Variants in ASXL3 observed in about 807,000 individuals in gnomAD.
ASXL3 encodes the protein putative Polycomb group protein ASXL3.
Under a neutral mutation model 170.6 loss-of-function variants are expected in ASXL3, and 34 were observed. The ratio of observed to expected loss-of-function variants is 0.20; its 90% CI spans 0.15 to 0.27. The LOEUF (loss-of-function observed/expected upper bound fraction) is 0.27, where lower values mean the gene tolerates loss of function less well. Among genes scored for constraint, ASXL3 ranks in the 10% least tolerant of loss-of-function variants. The pLI, the probability that ASXL3 is intolerant of heterozygous loss-of-function variation, is 1.00. For synonymous variants in ASXL3, 1,002 were observed against 989.1 expected (o/e 1.01, Z -0.24); for missense variants, 2,592 against 2,695.3 (o/e 0.96, Z 0.85).
chr18:33,671,731 C>G lies in ASXL3; in HGVS notation c.596-16C>G. On this transcript the variant is annotated splice_polypyrimidine_tract_variant and intron_variant, in intron 6 of 11. Coordinates refer to ENST00000269197, the MANE Select transcript of ASXL3 (RefSeq NM_030632.3). Reference sequence around the variant, plus strand: ...GCTAGAGAAGATAATGACATAATAACTATTTCCTTTTTTAGGATCTGAATC... The same window carrying G: ...GCTAGAGAAGATAATGACATAATAAGTATTTCCTTTTTTAGGATCTGAATC... 6.3e-7 allele frequency: 1 copy of G among 1,586,590 alleles called. No homozygotes were observed. Among genetic ancestry groups the G allele is most frequent in the Non-Finnish European group, 8.6e-7 (1 of 1,165,192 alleles).
chr18:33,729,221 C>G (rs1233948816), intron 8 of ASXL3, among the ~76,000 whole-genome samples: 2 of 152,172 alleles, frequency 1.3e-5, no homozygotes, highest in African/African-American at 4.8e-5. Flanking sequence ...ACAACTGTCG[C>G]TCATTTATTG....
At chr18:33,611,388 T>A (rs2065335434) in intron 2 of ASXL3, among the ~76,000 whole-genome samples, 1 of 152,098 alleles carries the variant, frequency 6.6e-6, no homozygotes, top group Admixed American at 6.6e-5. Context: ...AATTTTTACT[T>A]TCCCTCTGTA....
chr18:33,739,328 C>T lies in ASXL3; in HGVS notation c.1924C>T (p.Pro642Ser), dbSNP rs572460112. ...TQSTSEESCTPASLETTFCSE... is the reference protein window; with the variant it reads ...TQSTSEESCTSASLETTFCSE... The stretch of plus-strand genomic sequence containing the variant: ...GTCCACATCAGAAGAATCATGTACT[C>T]CAGCCTCCCTTGAGACAACATTTTG... Residue 642 changes from proline to serine, a missense_variant, in exon 11 of 12, where the codon CCA becomes TCA. Around this residue, in one of 4 missense-constraint regions of ASXL3, gnomAD observed 2,246 missense variants for 2,219.6 expected, o/e 1.01. Coordinates refer to ENST00000269197, the MANE Select transcript of ASXL3 (RefSeq NM_030632.3). The T allele has an allele frequency of 1.7e-5, 27 of 1,613,482 alleles. No homozygotes were observed. The South Asian group carries it at 2.7e-4, about 16-fold the overall frequency.
At chr18:33,708,597 G>A (rs2067003440) in intron 8 of ASXL3, among the ~76,000 whole-genome samples, 1 of 152,016 alleles carries the variant, frequency 6.6e-6, no homozygotes, top group African/African-American at 2.4e-5. Context: ...ATGGACTTGG[G>A]GATGGTTACC....
intron 2 of ASXL3, among the ~76,000 whole-genome samples, chr18:33,616,940 A>T (rs2065432533): frequency 6.6e-6 from 1 of 152,192 alleles, no homozygotes; most frequent in Non-Finnish European, 1.5e-5. Flanking sequence ...AGATACACTG[A>T]GGGTTAAGGT....
chr18:33,698,884 G>A (rs1414926621), intron 8 of ASXL3, among the ~76,000 whole-genome samples: 1 of 152,034 alleles, frequency 6.6e-6, no homozygotes, highest in Admixed American at 6.6e-5. Flanking sequence ...AATAGTTTAA[G>A]AGAGGGATCA....
At chr18:33,588,692 A>G (rs192428465) in intron 1 of ASXL3, among the ~76,000 whole-genome samples, 37 of 152,220 alleles carry the variant, frequency 2.4e-4, no homozygotes, top group Non-Finnish European at 4.7e-4. Flanking sequence ...CCATGTCTGT[A>G]CCTTAGGTGC....
Position 33,748,357 on chromosome 18 carries a change from A to T in ASXL3, c.*1762A>T, listed in dbSNP as rs951462807. 14 of 152,112 alleles carry T rather than the reference A, an allele frequency of 9.2e-5. No individual in the cohort carries two copies. Among genetic ancestry groups the T allele is most frequent in the Non-Finnish European group, 2.9e-5 (2 of 68,012 alleles). 9.4% of individuals were successfully genotyped at this position (152,112 alleles called of 1,614,324 possible). A position where few individuals can be genotyped will look rare whatever the true frequency, so the allele number is the denominator to read the frequency against. Reference sequence around the variant, plus strand: ...GTGATGTTGCCAAATTTCTTTCTTTAGGTGATAGAGACATCATTTCGAATA... The same window carrying T: ...GTGATGTTGCCAAATTTCTTTCTTTTGGTGATAGAGACATCATTTCGAATA... On this transcript the variant is annotated 3_prime_UTR_variant, in exon 12 of 12. Transcript: ENST00000269197.
chr18:33,674,349 A>G (rs931993487), intron 7 of ASXL3, among the ~76,000 whole-genome samples: 38 of 152,290 alleles, frequency 2.5e-4, no homozygotes, highest in African/African-American at 8.9e-4. Context: ...TTCTCACCCT[A>G]TCCTGTATCA....
At chr18:33,591,880 A>G (rs1019615685) in intron 1 of ASXL3, among the ~76,000 whole-genome samples, 1 of 151,276 alleles carries the variant, frequency 6.6e-6, no homozygotes, top group African/African-American at 2.4e-5. Flanking sequence ...TGACCTCGTG[A>G]TCCGCCTGCC....
Position 33,744,729 on chromosome 18 carries a change from A to G in ASXL3, c.4881A>G (p.Ser1627=). Reference sequence around the variant, plus strand: ...AGCCTCTGGTTACTCACTCGGGTTCAAGTAAACAAAAAGAATATCTAGAGC... The same window carrying G: ...AGCCTCTGGTTACTCACTCGGGTTCGAGTAAACAAAAAGAATATCTAGAGC... The part of the protein sequence containing the change: ...TGQPLVTHSG[S]SKQKEYLEQS... Residue 1627 remains serine (S), a synonymous_variant, in exon 12 of 12, where the codon TCA becomes TCG. Transcript: ENST00000269197. 6.2e-7 allele frequency: 1 copy of G among 1,613,824 alleles called. No homozygotes were observed. Among genetic ancestry groups the G allele is most frequent in the Non-Finnish European group, 8.5e-7 (1 of 1,179,802 alleles).
At chr18:33,590,874 A>G (rs2065071247) in intron 1 of ASXL3, among the ~76,000 whole-genome samples, 1 of 152,184 alleles carries the variant, frequency 6.6e-6, no homozygotes, top group South Asian at 2.1e-4. Flanking sequence ...GGATCCAAGT[A>G]CTATTTAGAT....
At chr18:33,660,825 G>A (rs143196810) in intron 4 of ASXL3, among the ~76,000 whole-genome samples, 4 of 152,228 alleles carry the variant, frequency 2.6e-5, no homozygotes, top group African/African-American at 2.4e-5. Context: ...AAGTCTGTCC[G>A]TTTGAGGAGA....
intron 8 of ASXL3, among the ~76,000 whole-genome samples, chr18:33,689,935 A>G (rs1050343689): frequency 1.3e-5 from 2 of 152,046 alleles, no homozygotes; most frequent in African/African-American, 4.8e-5. Context: ...TCACTAGGCT[A>G]TTATGCTTAA....
intron 2 of ASXL3, among the ~76,000 whole-genome samples, chr18:33,621,841 C>T (rs1372287841): frequency 6.6e-6 from 1 of 152,124 alleles, no homozygotes; most frequent in African/African-American, 2.4e-5. Flanking sequence ...AGGGTTTGTC[C>T]AACAGCTATT....
chr18:33,719,397 A>G (rs2067221092), intron 8 of ASXL3, among the ~76,000 whole-genome samples: 1 of 152,034 alleles, frequency 6.6e-6, no homozygotes, highest in Non-Finnish European at 1.5e-5. Flanking sequence ...AACACCATTT[A>G]TAGTTACAAC....
At chr18:33,700,862 T>A (rs2066862046) in intron 8 of ASXL3, among the ~76,000 whole-genome samples, 1 of 151,878 alleles carries the variant, frequency 6.6e-6, no homozygotes, top group African/African-American at 2.4e-5. Flanking sequence ...GAAAGAACAA[T>A]GAACTGGGTA....
chr18:33,593,384 C>G (rs1249180719), intron 1 of ASXL3, among the ~76,000 whole-genome samples: 1 of 150,332 alleles, frequency 6.7e-6, no homozygotes, highest in Non-Finnish European at 1.5e-5. Flanking sequence ...CCATTGAGGG[C>G]TCAGTTACCC....
chr18:33,734,141 A>AGCATTTCGCTTTAG (rs1555741115), intron 9 of ASXL3, among the ~76,000 whole-genome samples, 169 bp from the exon 10 acceptor site: 1 of 151,666 alleles, frequency 6.6e-6, no homozygotes, highest in African/African-American at 2.4e-5. Flanking sequence ...ATTTTTATGA[A>AGCATTTCGCTTTAG]CATCTTGAGT....
Sources: allele counts gnomAD v4.1 joint callset (sites outside exome capture counted in the v4.1 genomes callset), GRCh38; gene constraint gnomAD v4.1.1; regional missense constraint gnomAD v4.1.1; transcripts MANE v1.5; gene names NCBI Gene and HGNC (gene_info 2026-07-23, HGNC 2026-07-21).